The following NRF1 variants were observed in gnomAD, a reference collection of about 807,000 sequenced individuals.
NRF1 encodes the protein alpha palindromic-binding protein.
NRF1 carries 5 observed loss-of-function variants against 58.5 expected under a neutral mutation model. The observed-to-expected ratio is 0.09, with a 90% confidence interval of 0.04 to 0.18. The LOEUF is 0.18. NRF1 is among the 10% of genes least tolerant of loss of function. NRF1 has a pLI of 1.00. For missense variants in NRF1, 288 were observed against 657.7 expected (o/e 0.44, Z 6.15); for synonymous variants, 224 against 246.7 (o/e 0.91, Z 0.86).
chr7:129,727,459 A>G, intron 10 of NRF1, 94 bp downstream of exon 10: 8 of 1,352,228 alleles, frequency 5.9e-6, no homozygotes, highest in Non-Finnish European at 7.9e-6. Flanking sequence ...AAAGAGTTTG[A>G]GCTTCGATTT....
chr7:129,727,825 C>A (rs547576116), intron 10 of NRF1, among the ~76,000 whole-genome samples: 1 of 152,124 alleles, frequency 6.6e-6, no homozygotes, highest in Non-Finnish European at 1.5e-5. Context: ...GCTGTGATGC[C>A]GGTGCCTCTC....
chr7:129,657,230 G>A, intron 1 of NRF1, 116 bp from the exon 2 acceptor site: 4 of 712,746 alleles, frequency 5.6e-6, no homozygotes, highest in Non-Finnish European at 2.4e-6. Context: ...ACGGTAAGTA[G>A]TGAAATTGGA....
intron 2 of NRF1, among the ~76,000 whole-genome samples, chr7:129,659,430 A>T (rs567624451): frequency 6.6e-6 from 1 of 152,192 alleles, no homozygotes; most frequent in Non-Finnish European, 1.5e-5. Flanking sequence ...TGCATCTCCA[A>T]CTGGTCTCCT....
chr7:129,749,958 T>C (rs1278676584), intron 10 of NRF1, among the ~76,000 whole-genome samples: 1 of 152,132 alleles, frequency 6.6e-6, no homozygotes. Flanking sequence ...ATTAGAAGTA[T>C]GTGCCTTTAT....
At chr7:129,743,230 A>T (rs925284212) in intron 10 of NRF1, among the ~76,000 whole-genome samples, 2 of 151,800 alleles carry the variant, frequency 1.3e-5, no homozygotes, top group Non-Finnish European at 2.9e-5. Flanking sequence ...AATTTTAGGA[A>T]TGTCCACTTT....
At chr7:129,689,638 T>C (rs1050701279) in intron 4 of NRF1, among the ~76,000 whole-genome samples, 1 of 152,206 alleles carries the variant, frequency 6.6e-6, no homozygotes, top group Non-Finnish European at 1.5e-5. Flanking sequence ...TGTGTGCATG[T>C]CCAGTGTGTT....
At chr7:129,714,395 C>G (rs1322019914) in intron 8 of NRF1, among the ~76,000 whole-genome samples, 1 of 152,214 alleles carries the variant, frequency 6.6e-6, no homozygotes, top group Non-Finnish European at 1.5e-5. Flanking sequence ...CAGCATGGGC[C>G]AGACTGAAAT....
chr7:129,719,257 C>T (rs1212115735), intron 9 of NRF1, among the ~76,000 whole-genome samples: 2 of 152,022 alleles, frequency 1.3e-5, no homozygotes, highest in Non-Finnish European at 2.9e-5. Flanking sequence ...CTCAGCCTCC[C>T]AAGTAGCCAG....
chr7:129,678,846 C>G (rs1802241814), intron 4 of NRF1, among the ~76,000 whole-genome samples: 1 of 152,036 alleles, frequency 6.6e-6, no homozygotes, highest in South Asian at 2.1e-4. Context: ...AAATTACTCA[C>G]TGCAAAAAAA....
chr7:129,735,051 C>A, intron 10 of NRF1: 1 of 985,358 alleles, frequency 1.0e-6, no homozygotes, highest in Non-Finnish European at 1.2e-6. Context: ...AGCTCCTCAC[C>A]GGGTCTTCCA....
chr7:129,722,409 A>AT (rs1353124701), intron 9 of NRF1, among the ~76,000 whole-genome samples: 1 of 151,898 alleles, frequency 6.6e-6, no homozygotes, highest in Non-Finnish European at 1.5e-5. Flanking sequence ...AAAAAAAAAA[A>AT]TCTTTCTAGC....
intron 9 of NRF1, among the ~76,000 whole-genome samples, chr7:129,724,678 C>T (rs1218826927): frequency 6.6e-6 from 1 of 152,114 alleles, no homozygotes; most frequent in African/African-American, 2.4e-5. Context: ...ATTATTCGGC[C>T]TTTAAAAGGA....
intron 1 of NRF1, among the ~76,000 whole-genome samples, chr7:129,642,920 G>A (rs921553247): frequency 1.3e-5 from 2 of 151,518 alleles, no homozygotes; most frequent in African/African-American, 4.8e-5. Flanking sequence ...ACTACCACAC[G>A]CAGCTGGTTT....
At chr7:129,655,092 A>T (rs1230467506) in intron 1 of NRF1, among the ~76,000 whole-genome samples, 2 of 152,292 alleles carry the variant, frequency 1.3e-5, no homozygotes, top group East Asian at 1.9e-4. Context: ...TGAACATGGA[A>T]TATCTCTCTC....
At chr7:129,618,336 GGCTGGA>G (rs1157459892) in intron 1 of NRF1, among the ~76,000 whole-genome samples, 1 of 152,150 alleles carries the variant, frequency 6.6e-6, no homozygotes, top group Non-Finnish European at 1.5e-5. Flanking sequence ...TGGGTATTTG[GGCTGGA>G]GCTCAAGGGG....
At chr7:129,690,631 C>T in intron 5 of NRF1, 85 bp downstream of exon 5, 2 of 1,429,920 alleles carry the variant, frequency 1.4e-6, no homozygotes, top group Non-Finnish European at 1.9e-6. Context: ...GCATTTTGTC[C>T]TCAGTGATCT....
At chr7:129,694,494 A>G (rs1802641739) in intron 5 of NRF1, among the ~76,000 whole-genome samples, 1 of 152,058 alleles carries the variant, frequency 6.6e-6, no homozygotes, top group Admixed American at 6.6e-5. Context: ...CCTCCTGAGT[A>G]GCTGGGACTA....
At chr7:129,619,484 G>GTATATATATA (rs1271593762) in intron 1 of NRF1, among the ~76,000 whole-genome samples, 2 of 68,496 alleles carry the variant, frequency 2.9e-5, no homozygotes, top group African/African-American at 6.4e-5. Context: ...GTGTGTGTGT[G>GTATATATATA]TGTGTGTATA....
intron 5 of NRF1, among the ~76,000 whole-genome samples, chr7:129,695,106 A>G (rs1229211200): frequency 2.6e-5 from 4 of 152,204 alleles, no homozygotes; most frequent in Non-Finnish European, 5.9e-5. Flanking sequence ...ATTGTAAAGT[A>G]GCATTTTTTA....
Sources: allele counts gnomAD v4.1 joint callset (sites outside exome capture counted in the v4.1 genomes callset), GRCh38; gene constraint gnomAD v4.1.1; transcripts MANE v1.5; gene names NCBI Gene and HGNC (gene_info 2026-07-23, HGNC 2026-07-21).